FAM111A: variants seen among roughly 807,000 people sequenced by gnomAD.
The protein encoded by FAM111A is serine protease FAM111A.
Under a neutral mutation model 3.3 loss-of-function variants are expected in FAM111A, and 8 were observed. That is an observed-to-expected ratio of 2.39 (90% CI 1.40 to 4.32). The LOEUF is 4.32. Ranked by LOEUF, FAM111A falls within the 30% of genes most tolerant of loss-of-function variation. FAM111A has a pLI of 0.00. For missense variants in FAM111A, 683 were observed against 727.6 expected (o/e 0.94, Z 0.71); for synonymous variants, 227 against 243.1 (o/e 0.93, Z 0.62).
At chr11:59,151,699 A>G in intron 5 of FAM111A, 51 bp from the exon 6 acceptor site, 1 of 1,376,674 alleles carries the variant, frequency 7.3e-7, no homozygotes, top group East Asian at 2.3e-5. Flanking sequence ...AAGAGAAACA[A>G]AAGACTCGGG....
intron 4 of FAM111A, among the ~76,000 whole-genome samples, chr11:59,146,948 T>A (rs1444052152): frequency 6.6e-6 from 1 of 152,210 alleles, no homozygotes; most frequent in Non-Finnish European, 1.5e-5. Flanking sequence ...AATTATGTAA[T>A]TTTTAGAGAT....
chr11:59,147,950 C>T (rs1257613733), intron 4 of FAM111A, among the ~76,000 whole-genome samples: 1 of 152,188 alleles, frequency 6.6e-6, no homozygotes, highest in African/African-American at 2.4e-5. Context: ...GCACTTAGAA[C>T]AGGGCATAGT....
At chr11:59,146,525 A>G (rs550953424) in intron 4 of FAM111A, among the ~76,000 whole-genome samples, 1 of 152,366 alleles carries the variant, frequency 6.6e-6, no homozygotes, top group South Asian at 2.1e-4. Flanking sequence ...ACAGTTTTAT[A>G]AGTTCTAACA....
At chr11:59,151,238 C>T (rs890652524) in intron 5 of FAM111A, among the ~76,000 whole-genome samples, 1 of 152,106 alleles carries the variant, frequency 6.6e-6, no homozygotes, top group African/African-American at 2.4e-5. Flanking sequence ...GCAACCTCCA[C>T]CTCCCAGGTT....
At chr11:59,149,902 T>C (rs1861437380) in intron 5 of FAM111A, among the ~76,000 whole-genome samples, 1 of 152,198 alleles carries the variant, frequency 6.6e-6, no homozygotes. Flanking sequence ...AACCATTGTA[T>C]CTTTCCCTGA....
intron 4 of FAM111A, chr11:59,148,582 G>C: frequency 3.0e-6 from 1 of 329,876 alleles, no homozygotes; most frequent in East Asian, 5.5e-5. Context: ...TGCAGCTAGA[G>C]ATAATTTTCA....
intron 4 of FAM111A, among the ~76,000 whole-genome samples, chr11:59,147,556 T>C (rs1861087398): frequency 6.6e-6 from 1 of 152,236 alleles, no homozygotes; most frequent in Admixed American, 6.5e-5. Flanking sequence ...ATCCCAGAGC[T>C]AGTTTTTAAA....
intron 4 of FAM111A, among the ~76,000 whole-genome samples, chr11:59,146,669 C>T (rs767216727): frequency 7.2e-5 from 11 of 152,194 alleles, no homozygotes; most frequent in Non-Finnish European, 1.3e-4. Context: ...AGCCAGGACT[C>T]TTGTTCCATA....
Position 59,153,086 on chromosome 11 carries a change from G to T in FAM111A, c.1418G>T (p.Gly473Val), listed in dbSNP as rs1483444771. ...CTTAGTGGGTTGATACATATTATTGGCCATCCATATGGAGAAAAAAAGCAG... is the reference window on the plus strand; with the variant it reads ...CTTAGTGGGTTGATACATATTATTGTCCATCCATATGGAGAAAAAAAGCAG... Reference protein sequence around the residue: ...VPLSGLIHIIGHPYGEKKQID... With the variant: ...VPLSGLIHIIVHPYGEKKQID... Residue 473 changes from glycine (G) to valine (V), a missense_variant, in exon 6 of 6, where the codon GGC (glycine) becomes GTC (valine). Around this residue, in one of 3 missense-constraint regions of FAM111A, gnomAD observed 557 missense variants for 600.2 expected, o/e 0.93. Transcript: ENST00000675163. The T allele has an allele frequency of 2.5e-6, 4 of 1,614,098 alleles. No individual in the cohort carries two copies. In the South Asian group the frequency reaches 3.3e-5, roughly 13 times the overall value.
Position 59,151,907 on chromosome 11 carries a change from T to A in FAM111A, c.239T>A (p.Val80Asp). The change falls in exon 6 of 6, where the codon GTT (valine) becomes GAT (aspartate). Residue 80 changes from valine (V) to aspartate (D), a missense_variant. By Grantham distance (152) the Val-to-Asp change is radical. Around this residue, in one of 3 missense-constraint regions of FAM111A, gnomAD observed 557 missense variants for 600.2 expected, o/e 0.93. Coordinates refer to ENST00000675163, the MANE Select transcript of FAM111A (RefSeq NM_001312909.2). ...QTMPQNRTIY[V>D]TLKVNHRRNQ... ...ATGCCCCAAAATAGGACAATATATG[T>A]TACCTTGAAGGTAAACCACAGGAGA... 1 of 1,614,142 alleles carries A rather than the reference T, an allele frequency of 6.2e-7. No individual in the cohort carries two copies. The highest frequency in any genetic ancestry group is 8.5e-7 in the Non-Finnish European group (1 of 1,180,030).
At chr11:59,150,451 G>A (rs952114376) in intron 5 of FAM111A, among the ~76,000 whole-genome samples, 3 of 152,156 alleles carry the variant, frequency 2.0e-5, no homozygotes, top group African/African-American at 7.2e-5. Flanking sequence ...GTAGTAGTAA[G>A]GGGCATTGCT....
At chr11:59,151,174 G>T (rs1416320206) in intron 5 of FAM111A, among the ~76,000 whole-genome samples, 1 of 151,226 alleles carries the variant, frequency 6.6e-6, no homozygotes, top group Non-Finnish European at 1.5e-5. Context: ...TTTTGAGATG[G>T]AGTTTCACTC....
At chr11:59,147,284 G>A (rs1861057118) in intron 4 of FAM111A, among the ~76,000 whole-genome samples, 2 of 152,168 alleles carry the variant, frequency 1.3e-5, no homozygotes, top group South Asian at 2.1e-4. Flanking sequence ...CACCATCAAG[G>A]ATCCAAGAAG....
rs781634622 is a variant in FAM111A, at chr11:59,152,819, G to A, written c.1151G>A (p.Arg384Gln). 13 of 1,614,096 alleles carry A rather than the reference G, an allele frequency of 8.1e-6. No homozygotes were observed. In the Admixed American group the frequency reaches 1.3e-4, roughly 17 times the overall value. ...AAAGGATTGTTCATTTTAACTTGTC[G>A]GCATGTAATAGATAGCATTGTGGGA... ...VFKGLFILTCRHVIDSIVGDG... is the reference protein window; with the variant it reads ...VFKGLFILTCQHVIDSIVGDG... The change falls in exon 6 of 6, where the codon CGG (arginine) becomes CAG (glutamine). Residue 384 changes from arginine to glutamine, a missense_variant. Coordinates refer to ENST00000675163, the MANE Select transcript of FAM111A (RefSeq NM_001312909.2).
intron 5 of FAM111A, among the ~76,000 whole-genome samples, chr11:59,149,722 A>T (rs1233691259): frequency 6.6e-6 from 1 of 152,206 alleles, no homozygotes; most frequent in East Asian, 1.9e-4. Flanking sequence ...TTCTTACCAT[A>T]ACCTTGTTAG....
chr11:59,148,673 T>C (rs1372637172), intron 4 of FAM111A, 124 bp from the exon 5 acceptor site: 1 of 537,920 alleles, frequency 1.9e-6, no homozygotes, highest in Non-Finnish European at 3.3e-6. Flanking sequence ...AAGGTGATTA[T>C]AGTTGGTGAA....
rs1861289295 is a variant in FAM111A, at chr11:59,148,933, A to G, written c.61A>G (p.Ile21Val). The change falls in exon 5 of 6, where the codon ATC becomes GTC. Residue 21 changes from isoleucine (I) to valine (V), a missense_variant. By Grantham distance (29) the Ile-to-Val change is conservative (BLOSUM62 3). Coordinates refer to ENST00000675163, the MANE Select transcript of FAM111A (RefSeq NM_001312909.2). ...AGTCAATGAAAAATGTAATATGAAA[A>G]TCGAGCACTATTTTTCTCCGGTATG... ...HSVNEKCNMKIEHYFSPVSKE... is the reference protein window; with the variant it reads ...HSVNEKCNMKVEHYFSPVSKE... The G allele has an allele frequency of 6.2e-7, 1 of 1,613,060 alleles. No individual in the cohort carries two copies. Among genetic ancestry groups the G allele is most frequent in the Non-Finnish European group, 8.5e-7 (1 of 1,179,180 alleles).
Position 59,152,050 on chromosome 11 carries a change from G to T in FAM111A, c.382G>T (p.Val128Leu). Residue 128 changes from valine to leucine, a missense_variant, in exon 6 of 6, where the codon GTG (valine) becomes TTG (leucine). By Grantham distance (32) the Val-to-Leu change is conservative. Transcript: ENST00000675163. ...IETHQGQEML[V>L]RGTEGIKEYI... ...AACTCACCAAGGCCAAGAAATGCTTGTGCGTGGCACAGAAGGAATCAAAGA... is the reference window on the plus strand; with the variant it reads ...AACTCACCAAGGCCAAGAAATGCTTTTGCGTGGCACAGAAGGAATCAAAGA... 1.2e-6 allele frequency: 2 copies of T among 1,614,218 alleles called. No individual in the cohort carries two copies. The highest frequency in any genetic ancestry group is 1.7e-6 in the Non-Finnish European group (2 of 1,180,038).
rs201329341 is a variant in FAM111A, at chr11:59,152,489, C to G, written c.821C>G (p.Pro274Arg). 5.0e-6 allele frequency: 8 copies of G among 1,614,028 alleles called. No homozygotes were observed. The African/African-American group carries it at 9.3e-5, about 19-fold the overall frequency. The change falls in exon 6 of 6, where the codon CCC (proline) becomes CGC (arginine). Residue 274 changes from proline to arginine, a missense_variant. This residue lies in a region of FAM111A where 557 missense variants were observed against 600.2 expected (regional missense o/e 0.93). Transcript: ENST00000675163. ...GTTGAGGTTGAGAAAAGAATGGTCCCCAGTGCAGCAGCTTCTCAGAATCCT... is the reference window on the plus strand; with the variant it reads ...GTTGAGGTTGAGAAAAGAATGGTCCGCAGTGCAGCAGCTTCTCAGAATCCT... ...FQVEVEKRMV[P>R]SAAASQNPES...
Sources: gnomAD v4.1 joint callset for allele counts (sites outside exome capture counted in the v4.1 genomes callset) on GRCh38, gnomAD v4.1.1 for gene constraint, gnomAD v4.1.1 regional missense constraint, MANE v1.5 for transcripts, NCBI Gene and HGNC (gene_info 2026-07-23, HGNC 2026-07-21) for gene names.